Variants in HDGFL2 observed in about 807,000 individuals in gnomAD.
HDGFL2 encodes the protein HDGF like 2, also known as hepatoma-derived growth factor-related protein 2.
Under a neutral mutation model 77.1 loss-of-function variants are expected in HDGFL2, and 36 were observed. The observed-to-expected ratio is 0.47, with a 90% CI of 0.36 to 0.62. The LOEUF (loss-of-function observed/expected upper bound fraction) is 0.62, where lower values mean the gene tolerates loss of function less well. HDGFL2 is among the 20% of genes least tolerant of loss of function. HDGFL2 has a pLI of 0.00. For synonymous variants in HDGFL2, 463 were observed against 413.1 expected (o/e 1.12, Z -1.46); for missense variants, 976 against 973.4 (o/e 1.00, Z -0.04).
chr19:4,498,406 A>G, intron 12 of HDGFL2, 30 bp downstream of exon 12: 1 of 1,560,272 alleles, frequency 6.4e-7, no homozygotes, highest in Non-Finnish European at 8.8e-7. Context: ...TGAGCCAAGC[A>G]GTCCCCGCTG....
chr19:4,498,711 C>T lies in HDGFL2; in HGVS notation c.1474-103C>T, dbSNP rs371695499. ...GGAGCTGTTCTGCAGATACAGCTCC[C>T]CTCAAGGAGAGCCCAGGATGTCTTC... On this transcript the variant is annotated intron_variant, in intron 12 of 15. Transcript: ENST00000616600. 3 of 758,588 alleles carry T rather than the reference C, an allele frequency of 4.0e-6. No individual in the cohort carries two copies. The African/African-American group carries it at 5.2e-5, about 13-fold the overall frequency. 47.0% of individuals were successfully genotyped at this position (758,588 alleles called of 1,614,324 possible).
intron 14 of HDGFL2, among the ~76,000 whole-genome samples, chr19:4,500,205 C>T (rs1256102768): frequency 6.6e-6 from 1 of 152,206 alleles, no homozygotes; most frequent in Non-Finnish European, 1.5e-5. Context: ...GTGCTCAGAG[C>T]AGCCCTTTGG....
At chr19:4,488,584 G>T in intron 3 of HDGFL2, 92 bp from the exon 4 acceptor site, 1 of 1,139,402 alleles carries the variant, frequency 8.8e-7, no homozygotes, top group Non-Finnish European at 1.2e-6. Context: ...TCAGGATCCC[G>T]CATGTGGTTG....
At chr19:4,488,974 GACAAGGTCTTACTC>G in intron 4 of HDGFL2, 98 bp downstream of exon 4, 1 of 828,994 alleles carries the variant, frequency 1.2e-6, no homozygotes, top group Non-Finnish European at 1.8e-6. Context: ...TTTTTTTTGA[GACAAGGTCTTACTC>G]TGTCGCCCAG....
Position 4,472,323 on chromosome 19 carries a change from T to C in HDGFL2, c.-28T>C, listed in dbSNP as rs772835372. On this transcript the variant is annotated 5_prime_UTR_variant, in exon 1 of 16. Coordinates refer to ENST00000616600, the MANE Select transcript of HDGFL2 (RefSeq NM_001001520.3). ...GCCGCTACCGCCGCTGCAGCCGCTT[T>C]CCGCGGCCTGGGCCTCTCGCCGTCA... 6.8e-6 allele frequency: 10 copies of C among 1,476,228 alleles called. No homozygotes were observed. The highest frequency in any genetic ancestry group is 9.0e-6 in the Non-Finnish European group (10 of 1,113,742). The allele number at this position is 1,476,228 out of a possible 1,614,324, so 91.4% of individuals were successfully genotyped here. A position where few individuals can be genotyped will look rare whatever the true frequency, so the allele number is the denominator to read the frequency against.
At chr19:4,491,914 G>A (rs1599715707) in intron 6 of HDGFL2, 79 bp downstream of exon 6, 3 of 1,353,252 alleles carry the variant, frequency 2.2e-6, no homozygotes, top group Non-Finnish European at 3.1e-6. Flanking sequence ...CCAGGGCAGG[G>A]CGGGCCATTT....
At position 4,494,280 on chromosome 19, in the gene HDGFL2, G is replaced by A; in HGVS notation, c.1029G>A (p.Arg343=). ...AGGAGGAGGAGCTGCGGCGCCTGCGGGAGCAGGAGAAGGAGGAGAAGGAGC... is the reference window on the plus strand; with the variant it reads ...AGGAGGAGGAGCTGCGGCGCCTGCGAGAGCAGGAGAAGGAGGAGAAGGAGC... The part of the protein sequence containing the change: ...REQEEELRRL[R]EQEKEEKERR... Residue 343 remains arginine (R), a synonymous_variant, in exon 9 of 16, where the codon CGG becomes CGA. Transcript: ENST00000616600. 1 of 1,452,270 alleles carries A rather than the reference G, an allele frequency of 6.9e-7. No individual in the cohort carries two copies. Among genetic ancestry groups the A allele is most frequent in the Admixed American group, 2.8e-5 (1 of 35,264 alleles). The allele number at this position is 1,452,270 out of a possible 1,614,324, so 90.0% of individuals were successfully genotyped here. A position where few individuals can be genotyped will look rare whatever the true frequency, so the allele number is the denominator to read the frequency against.
chr19:4,492,176 C>T (rs1157630707), intron 6 of HDGFL2, among the ~76,000 whole-genome samples: 3 of 151,946 alleles, frequency 2.0e-5, no homozygotes, highest in Non-Finnish European at 4.4e-5. Context: ...TGTATATGAG[C>T]GGATTGTGTG....
intron 14 of HDGFL2, among the ~76,000 whole-genome samples, chr19:4,500,141 G>C (rs1274086217): frequency 6.6e-6 from 1 of 152,244 alleles, no homozygotes; most frequent in Non-Finnish European, 1.5e-5. Flanking sequence ...GATGAGGTGT[G>C]ACCCTCGGGG....
chr19:4,472,744 G>A (rs546927187), intron 1 of HDGFL2, among the ~76,000 whole-genome samples: 2 of 150,792 alleles, frequency 1.3e-5, no homozygotes, highest in South Asian at 4.2e-4. Flanking sequence ...GCTGCAGGGA[G>A]CCGCGTTCTT....
intron 1 of HDGFL2, chr19:4,474,984 G>A (rs1358656143): frequency 5.1e-6 from 2 of 390,502 alleles, no homozygotes. Flanking sequence ...GCTGAGCTTG[G>A]CCCCACCCCC....
chr19:4,490,444 T>C (rs1367491806), intron 4 of HDGFL2, among the ~76,000 whole-genome samples: 2 of 152,156 alleles, frequency 1.3e-5, no homozygotes, highest in Non-Finnish European at 2.9e-5. Context: ...CACGGTGTGT[T>C]GATCCACATG....
At chr19:4,498,940 A>G in intron 13 of HDGFL2, 25 bp downstream of exon 13, 1 of 1,526,310 alleles carries the variant, frequency 6.6e-7, no homozygotes. Context: ...TCAGAGGCGC[A>G]GGGTGCAGTC....
Position 4,498,703 on chromosome 19 carries a change from A to T in HDGFL2, c.1474-111A>T, listed in dbSNP as rs10406139. On this transcript the variant is annotated intron_variant, in intron 12 of 15. Coordinates refer to ENST00000616600, the MANE Select transcript of HDGFL2 (RefSeq NM_001001520.3). ...GGCTGAGGGGAGCTGTTCTGCAGATACAGCTCCCCTCAAGGAGAGCCCAGG... is the reference window on the plus strand; with the variant it reads ...GGCTGAGGGGAGCTGTTCTGCAGATTCAGCTCCCCTCAAGGAGAGCCCAGG... The T allele has an allele frequency of 0.88, 621,595 of 708,008 alleles. 274,933 individuals carry two copies. Among genetic ancestry groups the T allele is most frequent in the Admixed American group, 0.92 (40,552 of 43,878 alleles). The allele number at this position is 708,008 out of a possible 1,614,324, so 43.9% of individuals were successfully genotyped here.
At chr19:4,498,722 G>T in intron 12 of HDGFL2, 92 bp from the exon 13 acceptor site, 1 of 817,920 alleles carries the variant, frequency 1.2e-6, no homozygotes, top group African/African-American at 1.7e-5. Context: ...CTCAAGGAGA[G>T]CCCAGGATGT....
At chr19:4,477,797 C>T (rs1975108794) in intron 3 of HDGFL2, among the ~76,000 whole-genome samples, 1 of 152,076 alleles carries the variant, frequency 6.6e-6, no homozygotes, top group Non-Finnish European at 1.5e-5. Flanking sequence ...GATGCAGATT[C>T]CTGGCTGGGC....
intron 3 of HDGFL2, chr19:4,486,264 C>T (rs1257966519): frequency 1.3e-5 from 2 of 151,916 alleles, no homozygotes; most frequent in African/African-American, 4.8e-5. Flanking sequence ...TGTCTGTCTC[C>T]CCGGTAGACC....
intron 4 of HDGFL2, 45 bp downstream of exon 4, chr19:4,488,921 G>A (rs1975434420): frequency 1.5e-6 from 2 of 1,357,000 alleles, no homozygotes; most frequent in African/African-American, 1.5e-5. Flanking sequence ...CCCTTGCCCT[G>A]ATGTCTCGCC....
intron 3 of HDGFL2, among the ~76,000 whole-genome samples, chr19:4,477,655 C>A (rs1015393999): frequency 6.6e-6 from 1 of 152,144 alleles, no homozygotes; most frequent in African/African-American, 2.4e-5. Flanking sequence ...TATATAGAGG[C>A]CTGTCTTTGA....
Sources: allele counts gnomAD v4.1 joint callset (sites outside exome capture counted in the v4.1 genomes callset), GRCh38; gene constraint gnomAD v4.1.1; transcripts MANE v1.5; gene names NCBI Gene and HGNC (gene_info 2026-07-23, HGNC 2026-07-21).